The following ITCH variants were observed in gnomAD, a reference collection of about 807,000 sequenced individuals.
The protein encoded by ITCH is itchy E3 ubiquitin protein ligase.
In ITCH, 28 loss-of-function variants were observed where a neutral mutation model predicts 126.8. The observed-to-expected ratio is 0.22, with a 90% CI of 0.16 to 0.30. The LOEUF (loss-of-function observed/expected upper bound fraction) is 0.30. ITCH is among the 10% of genes least tolerant of loss of function. The pLI is 1.00. For missense variants in ITCH, 631 were observed against 1,032.4 expected (o/e 0.61, Z 5.33); for synonymous variants, 342 against 340.0 (o/e 1.01, Z -0.06).
intron 23 of ITCH, among the ~76,000 whole-genome samples, chr20:34,493,373 AGAG>A (rs1010229099): frequency 2.6e-5 from 4 of 152,200 alleles, no homozygotes; most frequent in Admixed American, 2.6e-4. Context: ...AACTTTTTGA[AGAG>A]AGGAAAACTT....
Position 34,510,052 on chromosome 20 carries a change from C to T in ITCH, c.*2258C>T, listed in dbSNP as rs574836378. 2 of 152,648 alleles carry T rather than the reference C, an allele frequency of 1.3e-5. No homozygotes were observed. The highest frequency in any genetic ancestry group is 4.2e-4 in the South Asian group (2 of 4,814). The allele number at this position is 152,648 out of a possible 1,614,324, so 9.5% of individuals were successfully genotyped here. A position where few individuals can be genotyped will look rare whatever the true frequency, so the allele number is the denominator to read the frequency against. On this transcript the variant is annotated 3_prime_UTR_variant, in exon 25 of 25. Transcript: ENST00000374864. ...ATAGTTATATTTGAAGTAGCCCTGG[C>T]CCTAGTTCTATAGGGCTTGGCTATT...
intron 1 of ITCH, among the ~76,000 whole-genome samples, chr20:34,363,755 C>T (rs761607057): frequency 3.3e-5 from 5 of 152,072 alleles, no homozygotes; most frequent in Non-Finnish European, 5.9e-5. Context: ...GCGACGTGGC[C>T]CTGTGAGGGG....
intron 2 of ITCH, among the ~76,000 whole-genome samples, chr20:34,369,867 G>A (rs894671554): frequency 2.6e-5 from 4 of 152,044 alleles, no homozygotes; most frequent in Non-Finnish European, 5.9e-5. Flanking sequence ...ACTTTGTGGG[G>A]CGAAGGTGGG....
intron 4 of ITCH, among the ~76,000 whole-genome samples, chr20:34,409,481 C>T (rs1407419659): frequency 6.6e-6 from 1 of 152,102 alleles, no homozygotes; most frequent in East Asian, 1.9e-4. Context: ...AAGCAGTCTT[C>T]CCATCTCAGC....
chr20:34,449,484 A>G lies in ITCH; in HGVS notation c.1210+4A>G, dbSNP rs1167115242. 1.3e-6 allele frequency: 2 copies of G among 1,575,390 alleles called. No homozygotes were observed. The highest frequency in any genetic ancestry group is 1.7e-6 in the Non-Finnish European group (2 of 1,144,822). On this transcript the variant is annotated splice_donor_region_variant and intron_variant, in intron 12 of 24. Transcript: ENST00000374864. ...GGTCCATTGCCACCTGGATGGGGTAAGTCACATGAGTTTCTTCATGGAGTT... is the reference window on the plus strand; with the variant it reads ...GGTCCATTGCCACCTGGATGGGGTAGGTCACATGAGTTTCTTCATGGAGTT...
intron 2 of ITCH, among the ~76,000 whole-genome samples, chr20:34,380,627 T>G (rs1381127050): frequency 1.9e-5 from 2 of 107,278 alleles, no homozygotes; most frequent in African/African-American, 3.8e-5. Flanking sequence ...TTTTTTTTTT[T>G]GCAAAAATAG....
At chr20:34,432,075 A>T (rs1982383744) in intron 7 of ITCH, among the ~76,000 whole-genome samples, 1 of 146,238 alleles carries the variant, frequency 6.8e-6, no homozygotes, top group Non-Finnish European at 1.5e-5. Context: ...AAAAGATGGG[A>T]CATTTAACAC....
chr20:34,450,496 C>G (rs1173308285), intron 12 of ITCH, among the ~76,000 whole-genome samples: 3 of 152,128 alleles, frequency 2.0e-5, no homozygotes, highest in East Asian at 1.9e-4. Context: ...CCTTAATAGA[C>G]TTTAAGCTGG....
intron 2 of ITCH, among the ~76,000 whole-genome samples, chr20:34,378,870 A>G (rs527273777): frequency 2.6e-5 from 4 of 152,296 alleles, no homozygotes; most frequent in Admixed American, 2.6e-4. Context: ...TTATCTAAAA[A>G]TATGGAACAC....
At chr20:34,482,737 G>T (rs1024396782) in intron 20 of ITCH, among the ~76,000 whole-genome samples, 3 of 152,180 alleles carry the variant, frequency 2.0e-5, no homozygotes, top group Non-Finnish European at 4.4e-5. Context: ...CTAGAGGACG[G>T]TTGCCCTCTT....
intron 8 of ITCH, 77 bp from the exon 9 acceptor site, chr20:34,440,078 T>G: frequency 9.6e-7 from 1 of 1,046,894 alleles, no homozygotes; most frequent in Non-Finnish European, 1.5e-6. Context: ...CTGCCTTTTA[T>G]TTTTTACAGT....
At position 34,408,685 on chromosome 20, in the gene ITCH, T is replaced by C; in HGVS notation, c.105T>C (p.Asn35=). The C allele has an allele frequency of 6.2e-7, 1 of 1,613,830 alleles. No homozygotes were observed. Among genetic ancestry groups the C allele is most frequent in the Non-Finnish European group, 8.5e-7 (1 of 1,179,782 alleles). ...CAAAACTTAAGGAAAATAAGAAGAA[T>C]TGGTTTGGACCAAGTCCTTACGTAG... is the stretch of plus-strand genomic sequence containing the variant. ...ISAKLKENKK[N]WFGPSPYVEV... is the part of the protein sequence containing the mutation. The change falls in exon 4 of 25, where the codon AAT becomes AAC. Residue 35 remains asparagine, a synonymous_variant. Coordinates refer to ENST00000374864, the MANE Select transcript of ITCH (RefSeq NM_031483.7).
intron 2 of ITCH, among the ~76,000 whole-genome samples, chr20:34,391,189 A>G (rs2038478034): frequency 1.3e-5 from 2 of 152,222 alleles, no homozygotes; most frequent in Admixed American, 6.5e-5. Flanking sequence ...TTAAAATTGT[A>G]CAAGTCAACA....
At chr20:34,430,713 ATCT>A (rs1170835483) in intron 7 of ITCH, among the ~76,000 whole-genome samples, 1 of 152,134 alleles carries the variant, frequency 6.6e-6, no homozygotes, top group Admixed American at 6.6e-5. Flanking sequence ...ACCTCAGGTG[ATCT>A]TCTTGGCCTT....
chr20:34,484,536 G>T (rs1988978077), intron 20 of ITCH, among the ~76,000 whole-genome samples: 1 of 152,116 alleles, frequency 6.6e-6, no homozygotes, highest in African/African-American at 2.4e-5. Context: ...TAGCATTCCA[G>T]AGAGGTAATG....
chr20:34,412,613 A>C lies in ITCH; in HGVS notation c.311A>C (p.Glu104Ala). The C allele has an allele frequency of 6.2e-7, 1 of 1,607,436 alleles. No individual in the cohort carries two copies. The highest frequency in any genetic ancestry group is 8.5e-7 in the Non-Finnish European group (1 of 1,174,116). The change falls in exon 5 of 25, where the codon GAA becomes GCA. Residue 104 changes from glutamate to alanine, a missense_variant. Coordinates refer to ENST00000374864, the MANE Select transcript of ITCH (RefSeq NM_031483.7). ...GGAACTGCTGCATTAGATATTTATG[A>C]AACATTAAAGTCAAACAATATGAAA... ...LLGTAALDIYETLKSNNMKLE... is the reference protein window; with the variant it reads ...LLGTAALDIYATLKSNNMKLE...
At chr20:34,471,867 C>T (rs1257499377) in intron 16 of ITCH, among the ~76,000 whole-genome samples, 1 of 151,312 alleles carries the variant, frequency 6.6e-6, no homozygotes, top group African/African-American at 2.4e-5. Flanking sequence ...TTTTTGGTAG[C>T]CAAAGGTCTG....
At chr20:34,421,625 A>G (rs1232426516) in intron 6 of ITCH, among the ~76,000 whole-genome samples, 1 of 152,156 alleles carries the variant, frequency 6.6e-6, no homozygotes, top group South Asian at 2.1e-4. Flanking sequence ...GTTGTTAACT[A>G]TTCTCTGGTT....
chr20:34,503,854 TTTTTTTTTTTTTTTGG>T (rs1990425417), intron 23 of ITCH, among the ~76,000 whole-genome samples: 1 of 108,430 alleles, frequency 9.2e-6, no homozygotes, highest in African/African-American at 3.5e-5. Flanking sequence ...GTTTTTTGGG[TTTTTTTTTTTTTTTGG>T]TTTTTTTTTT....
Sources: gnomAD v4.1 joint callset for allele counts (sites outside exome capture counted in the v4.1 genomes callset) on GRCh38, gnomAD v4.1.1 for gene constraint, MANE v1.5 for transcripts, NCBI Gene and HGNC (gene_info 2026-07-23, HGNC 2026-07-21) for gene names.